The following AHNAK variants were observed in gnomAD, a reference collection of about 807,000 sequenced individuals.
The protein encoded by AHNAK is neuroblast differentiation-associated protein AHNAK.
A neutral mutation model predicts 37.8 loss-of-function variants in AHNAK; 23 were observed. The observed-to-expected ratio is 0.61, with a 90% CI of 0.44 to 0.86. The LOEUF is 0.86. Ranked by LOEUF, AHNAK falls within the 40% of genes least tolerant of loss-of-function variation. The pLI is 0.00. For synonymous variants in AHNAK, 2,481 were observed against 2,636.3 expected (o/e 0.94, Z 1.80); for missense variants, 7,411 against 7,319.4 (o/e 1.01, Z -0.46).
chr11:62,456,140 C>T (rs764946561), intron 5 of AHNAK, among the ~76,000 whole-genome samples: 23 of 152,164 alleles, frequency 1.5e-4, no homozygotes, highest in Non-Finnish European at 2.8e-4. Flanking sequence ...ACAGCATCTG[C>T]AAGCCGAGAG....
At position 62,529,487 on chromosome 11, in the gene AHNAK, G is replaced by C. The variant is rs759305446; in HGVS notation, c.4930C>G (p.Pro1644Ala). The C allele has an allele frequency of 2.0e-5, 33 of 1,613,990 alleles. No homozygotes were observed. Among genetic ancestry groups the C allele is most frequent in the South Asian group, 3.3e-5 (3 of 91,082 alleles). Residue 1644 changes from proline to alanine, a missense_variant, in exon 5 of 5, where the codon CCT becomes GCT. By Grantham distance (27) the Pro-to-Ala change is conservative (BLOSUM62 -1). Transcript: ENST00000378024. The stretch of plus-strand genomic sequence containing the variant: ...TTGGGGGCCTTGAAATGCATCTCAG[G>C]CATCTTAAACTTGGGGCCCTTCAAC... ...GKLKGPKFKMPEMHFKAPKIS... is the reference protein window; with the variant it reads ...GKLKGPKFKMAEMHFKAPKIS...
intron 5 of AHNAK, among the ~76,000 whole-genome samples, chr11:62,474,278 A>T (rs1005858695): frequency 2.7e-5 from 4 of 150,064 alleles, no homozygotes; most frequent in African/African-American, 9.8e-5. Context: ...TCCACCTCCC[A>T]GGTTCAAGTG....
At chr11:62,457,384 G>T (rs1307968437) in intron 5 of AHNAK, among the ~76,000 whole-genome samples, 2 of 151,638 alleles carry the variant, frequency 1.3e-5, no homozygotes, top group Admixed American at 6.6e-5. Flanking sequence ...GGAGGCAGAG[G>T]TTGAAGTGAG....
chr11:62,472,964 T>C (rs1181553049), intron 5 of AHNAK, among the ~76,000 whole-genome samples: 1 of 150,870 alleles, frequency 6.6e-6, no homozygotes, highest in Non-Finnish European at 1.5e-5. Flanking sequence ...TGCATGCCTG[T>C]AACCCAGCTA....
intron 5 of AHNAK, among the ~76,000 whole-genome samples, chr11:62,454,800 A>AG (rs1938621230): frequency 6.6e-6 from 1 of 152,176 alleles, no homozygotes; most frequent in African/African-American, 2.4e-5. Flanking sequence ...TGGGATATGC[A>AG]GGGAACTGAA....
chr11:62,465,613 A>AAAAT (rs533658839), intron 5 of AHNAK, among the ~76,000 whole-genome samples: 108 of 152,142 alleles, frequency 7.1e-4, no homozygotes, highest in African/African-American at 2.0e-3. Flanking sequence ...ACTCCGTCTC[A>AAAAT]AAATAAATAA....
In AHNAK at chr11:62,530,952, A is replaced by G; in HGVS notation, c.3465T>C (p.Val1155=). Residue 1155 remains valine (V), a synonymous_variant, in exon 5 of 5, where the codon GTT becomes GTC. Transcript: ENST00000378024. ...TGTCCACCTTGGGTCCTGAGACAAC[A>G]ACGTCAGCCTTAGGCAAGTTCACAT... is the stretch of plus-strand genomic sequence containing the variant. ...EVDVNLPKAD[V]VVSGPKVDIE... The G allele has an allele frequency of 6.2e-7, 1 of 1,613,194 alleles. No individual in the cohort carries two copies. Among genetic ancestry groups the G allele is most frequent in the South Asian group, 1.1e-5 (1 of 91,032 alleles).
chr11:62,523,776 G>A lies in AHNAK; in HGVS notation c.10641C>T (p.Asp3547=), dbSNP rs1279781904. 4 of 1,613,916 alleles carry A rather than the reference G, an allele frequency of 2.5e-6. No individual in the cohort carries two copies. In the Admixed American group the frequency reaches 5.0e-5, roughly 20 times the overall value. The change falls in exon 5 of 5, where the codon GAC becomes GAT. Residue 3547 remains aspartate (D), a synonymous_variant. Coordinates refer to ENST00000378024, the MANE Select transcript of AHNAK (RefSeq NM_001620.3). ...TGGGGCCTTTCAAGTTTAAGTCAATGTCAGGCATGGAGATCTTGGGAGCTT... is the reference window on the plus strand; with the variant it reads ...TGGGGCCTTTCAAGTTTAAGTCAATATCAGGCATGGAGATCTTGGGAGCTT... ...NIKAPKISMP[D]IDLNLKGPKV...
At position 62,520,556 on chromosome 11, in the gene AHNAK, C is replaced by T. The variant is rs750543077; in HGVS notation, c.13861G>A (p.Asp4621Asn). 5 of 1,614,144 alleles carry T rather than the reference C, an allele frequency of 3.1e-6. No individual in the cohort carries two copies. The East Asian group carries it at 6.7e-5, about 22-fold the overall frequency. ...ATGTCAACTTCGGGGCCCTTGAGGT[C>T]GCCTTCCACTTTGGGCAGAGAAATG... ...MDISLPKVEG[D>N]LKGPEVDIRD... Residue 4621 changes from aspartate to asparagine, a missense_variant, in exon 5 of 5, where the codon GAC becomes AAC. Coordinates refer to ENST00000378024, the MANE Select transcript of AHNAK (RefSeq NM_001620.3).
In AHNAK at chr11:62,533,698, C is replaced by A. The variant is rs745478531; in HGVS notation, c.719G>T (p.Gly240Val). 6.2e-7 allele frequency: 1 copy of A among 1,614,026 alleles called. No individual in the cohort carries two copies. Among genetic ancestry groups the A allele is most frequent in the Non-Finnish European group, 8.5e-7 (1 of 1,180,030 alleles). Residue 240 changes from glycine (G) to valine (V), a missense_variant, in exon 5 of 5, where the codon GGC becomes GTC. Physicochemically the swap from Gly to Val is moderately radical, Grantham distance 109. Transcript: ENST00000378024. ...SASGPELQGAGHSKLQVTMPG... is the reference protein window; with the variant it reads ...SASGPELQGAVHSKLQVTMPG... ...CATGGTGACCTGGAGCTTCGAGTGG[C>A]CAGCACCTTGGAGCTCTGGTCCTGA...
At position 62,520,196 on chromosome 11, in the gene AHNAK, C is replaced by T. The variant is rs1278916959; in HGVS notation, c.14221G>A (p.Val4741Ile). ...TCACCTTCCACTTTAGGAAGGGTAA[C>T]ATCCACATCGCCCTTCACTTTGGGT... ...KGPKVKGDVDVTLPKVEGDLK... is the reference protein window; with the variant it reads ...KGPKVKGDVDITLPKVEGDLK... Residue 4741 changes from valine (V) to isoleucine (I), a missense_variant, in exon 5 of 5, where the codon GTT becomes ATT. Physicochemically the swap from Val to Ile is conservative, Grantham distance 29 (BLOSUM62 3). Transcript: ENST00000378024. The T allele has an allele frequency of 1.1e-5, 18 of 1,612,726 alleles. No homozygotes were observed. Among genetic ancestry groups the T allele is most frequent in the Non-Finnish European group, 1.5e-5 (18 of 1,179,754 alleles).
rs1224212098 is a variant in AHNAK, at chr11:62,518,870, T to C, written c.15547A>G (p.Lys5183Glu). The change falls in exon 5 of 5, where the codon AAA (lysine) becomes GAA (glutamate). Residue 5183 changes from lysine (K) to glutamate (E), a missense_variant. Physicochemically the swap from Lys to Glu is moderately conservative, Grantham distance 56 (BLOSUM62 1). Coordinates refer to ENST00000378024, the MANE Select transcript of AHNAK (RefSeq NM_001620.3). ...INIEGLDAKV[K>E]TPSFGISAPQ... ...GCAGAAATGCCGAAGGACGGTGTTT[T>C]GACTTTAGCATCTAGGCCTTCGATG... 3.7e-6 allele frequency: 6 copies of C among 1,614,228 alleles called. 1 individual carries two copies. The South Asian group carries it at 6.6e-5, about 18-fold the overall frequency.
At position 62,523,507 on chromosome 11, in the gene AHNAK, T is replaced by C. The variant is rs117618959; in HGVS notation, c.10910A>G (p.Asn3637Ser). 2,988 of 1,614,010 alleles carry C rather than the reference T, an allele frequency of 1.9e-3. 38 individuals carry two copies. The East Asian group carries it at 0.039, about 21-fold the overall frequency. The change falls in exon 5 of 5, where the codon AAT (asparagine) becomes AGT (serine). Residue 3637 changes from asparagine (N) to serine (S), a missense_variant. Physicochemically the swap from Asn to Ser is conservative, Grantham distance 46. Transcript: ENST00000378024. Reference sequence around the variant, plus strand: ...CACGTCTGGAACATCAACGTCTACATTGGGACCAGAAATGTCAATGTCAGC... The same window carrying C: ...CACGTCTGGAACATCAACGTCTACACTGGGACCAGAAATGTCAATGTCAGC... ...PKADIDISGP[N>S]VDVDVPDVNI...
At chr11:62,505,542 G>A (rs1016059970) in intron 4 of AHNAK, among the ~76,000 whole-genome samples, 9 of 152,092 alleles carry the variant, frequency 5.9e-5, no homozygotes, top group African/African-American at 1.9e-4. Context: ...AGTGCCAGGA[G>A]GGATTTATGG....
chr11:62,535,867 T>C, intron 3 of AHNAK, 78 bp downstream of exon 3: 1 of 1,529,788 alleles, frequency 6.5e-7, no homozygotes, highest in Non-Finnish European at 8.8e-7. Flanking sequence ...CACTTCTGCC[T>C]GCTCCCTGCC....
intron 5 of AHNAK, among the ~76,000 whole-genome samples, chr11:62,440,807 T>C (rs1041726170): frequency 2.6e-5 from 4 of 152,010 alleles, no homozygotes; most frequent in Non-Finnish European, 5.9e-5. Context: ...TCCCAAGTTA[T>C]AGTGGGGGTT....
At chr11:62,540,543 C>A (rs561487250) in intron 1 of AHNAK, among the ~76,000 whole-genome samples, 1 of 152,188 alleles carries the variant, frequency 6.6e-6, no homozygotes, top group Non-Finnish European at 1.5e-5. Flanking sequence ...GGCGTGGTGG[C>A]TCATGCCTGT....
chr11:62,500,433 G>A (rs1939691372), intron 4 of AHNAK, among the ~76,000 whole-genome samples: 1 of 152,154 alleles, frequency 6.6e-6, no homozygotes. Flanking sequence ...GGGGTAATCT[G>A]ATTGGCCCAG....
chr11:62,516,342 T>C lies in AHNAK; in HGVS notation c.*402A>G, dbSNP rs76939572. The C allele has an allele frequency of 0.061, 78,649 of 1,287,402 alleles. 2,802 individuals are homozygous for C. The highest frequency in any genetic ancestry group is 0.07 in the Non-Finnish European group (69,306 of 987,464). The allele number at this position is 1,287,402 out of a possible 1,614,324, so 79.7% of individuals were successfully genotyped here. On this transcript the variant is annotated 3_prime_UTR_variant, in exon 5 of 5. Transcript: ENST00000378024. The stretch of plus-strand genomic sequence containing the variant: ...TGCAACCCATCACCCCACCCACCCT[T>C]ACTAACAAAAGCCCCCAAAGTCATT...
Sources: allele counts gnomAD v4.1 joint callset (sites outside exome capture counted in the v4.1 genomes callset), GRCh38; gene constraint gnomAD v4.1.1; transcripts MANE v1.5; gene names NCBI Gene and HGNC (gene_info 2026-07-23, HGNC 2026-07-21).